ROBO1: variants seen among roughly 807,000 people sequenced by gnomAD.
The protein encoded by ROBO1 is roundabout guidance receptor 1, also known as roundabout homolog 1.
ROBO1 carries 149 observed loss-of-function variants against 195.9 expected under a neutral mutation model. That is an observed-to-expected ratio of 0.76 (90% confidence interval 0.67 to 0.87). The LOEUF is 0.87. ROBO1 is among the 40% of genes least tolerant of loss of function. The pLI, the probability that ROBO1 is intolerant of heterozygous loss-of-function variation, is 0.00. For synonymous variants in ROBO1, 816 were observed against 733.2 expected, an observed-to-expected ratio of 1.11 and a Z score of -1.82; for missense variants, 1,933 against 2,068.3, an observed-to-expected ratio of 0.93 and a Z score of 1.27.
chr3:79,526,758 T>G (rs979706741), intron 2 of ROBO1, among the ~76,000 whole-genome samples: 4 of 152,192 alleles, frequency 2.6e-5, no homozygotes, highest in Admixed American at 2.0e-4. Flanking sequence ...TTTAAGGGCT[T>G]TAATTTGTAA....
intron 19 of ROBO1, among the ~76,000 whole-genome samples, chr3:78,648,038 A>G (rs1298743542): frequency 6.6e-6 from 1 of 152,042 alleles, no homozygotes; most frequent in African/African-American, 2.4e-5. Flanking sequence ...TCTTGCTGGA[A>G]CCTTATCTAG....
intron 4 of ROBO1, among the ~76,000 whole-genome samples, chr3:78,777,819 C>T (rs543956377): frequency 1.1e-4 from 16 of 152,202 alleles, no homozygotes; most frequent in African/African-American, 3.9e-4. Flanking sequence ...ATTTGAATAC[C>T]CTTTATTTCT....
intron 3 of ROBO1, among the ~76,000 whole-genome samples, chr3:78,987,237 GT>G (rs892876262): frequency 1.3e-5 from 2 of 150,652 alleles, no homozygotes; most frequent in African/African-American, 2.4e-5. Context: ...TTTAGAAATA[GT>G]TTTTTTTAAA....
Position 78,669,824 on chromosome 3 carries a change from A to G in ROBO1, c.1548+272T>C, listed in dbSNP as rs184648887. 2.4e-3 allele frequency among the ~76,000 whole-genome samples: 372 copies of G among 152,174 alleles called. 6 individuals are homozygous for G. Among genetic ancestry groups the G allele is most frequent in the Admixed American group, 0.018 (277 of 15,278 alleles). Reference sequence around the variant, plus strand: ...TTTGAAGATATTTATTCTCTCACAAACCCTCATTTACTTTCCTCGGTAGGT... The same window carrying G: ...TTTGAAGATATTTATTCTCTCACAAGCCCTCATTTACTTTCCTCGGTAGGT... On this transcript the variant is annotated intron_variant, in intron 11 of 30. Coordinates refer to ENST00000464233, the MANE Select transcript of ROBO1 (RefSeq NM_002941.4).
intron 4 of ROBO1, among the ~76,000 whole-genome samples, chr3:78,859,952 G>A (rs976050053): frequency 1.3e-4 from 20 of 152,086 alleles, no homozygotes; most frequent in Non-Finnish European, 1.9e-4. Flanking sequence ...GGTGGCGGAC[G>A]CCTGTGGTCC....
chr3:79,153,760 A>G (rs568387717), intron 2 of ROBO1, among the ~76,000 whole-genome samples: 136 of 148,070 alleles, frequency 9.2e-4, no homozygotes, highest in African/African-American at 3.2e-3. Context: ...TATAATATAA[A>G]TATTGTTTAT....
chr3:79,109,201 G>T, intron 3 of ROBO1, among the ~76,000 whole-genome samples: 1 of 151,304 alleles, frequency 6.6e-6, no homozygotes, highest in East Asian at 1.9e-4. Flanking sequence ...GTCAATTGGG[G>T]GTACTTATTC....
chr3:79,586,703 G>A (rs1943840691), intron 2 of ROBO1, among the ~76,000 whole-genome samples: 1 of 151,384 alleles, frequency 6.6e-6, no homozygotes. Flanking sequence ...CACTATATGT[G>A]AAATATATGC....
chr3:78,798,567 C>A (rs540364062), intron 4 of ROBO1, among the ~76,000 whole-genome samples: 1 of 152,280 alleles, frequency 6.6e-6, no homozygotes, highest in Non-Finnish European at 1.5e-5. Flanking sequence ...GCACACACAT[C>A]TTTTTATTAT....
chr3:79,603,868 T>C (rs1381957946), intron 1 of ROBO1, among the ~76,000 whole-genome samples: 1 of 151,944 alleles, frequency 6.6e-6, no homozygotes, highest in Admixed American at 6.6e-5. Flanking sequence ...GCTGCTTGTA[T>C]AGAATAATAG....
At chr3:78,736,433 A>T (rs1421441657) in intron 5 of ROBO1, among the ~76,000 whole-genome samples, 1 of 152,142 alleles carries the variant, frequency 6.6e-6, no homozygotes, top group Non-Finnish European at 1.5e-5. Context: ...CAGGAAGAAG[A>T]AATCTAGTGT....
rs767967663 is a variant in ROBO1, at chr3:79,092,703, T to C, written c.172+32753A>G. Among the ~76,000 whole-genome samples the C allele has an allele frequency of 6.3e-4, 96 of 152,034 alleles. 3 individuals carry two copies. The highest frequency in any genetic ancestry group is 1.6e-4 in the Non-Finnish European group (11 of 68,006). On this transcript the variant is annotated intron_variant, in intron 3 of 30. Transcript: ENST00000464233. ...GTCAAGGATAGAGAAGTTGAGAAAATTATGAAAAGATATGCAGGAAGTCAA... is the reference window on the plus strand; with the variant it reads ...GTCAAGGATAGAGAAGTTGAGAAAACTATGAAAAGATATGCAGGAAGTCAA...
chr3:78,662,273 C>T (rs1575868318), intron 14 of ROBO1, among the ~76,000 whole-genome samples, 159 bp from the exon 15 acceptor site: 1 of 150,890 alleles, frequency 6.6e-6, no homozygotes, highest in African/African-American at 2.4e-5. Flanking sequence ...ATAATTTAAC[C>T]TTTTTATTAG....
chr3:79,393,064 G>T (rs1247967303), intron 2 of ROBO1, among the ~76,000 whole-genome samples: 3 of 152,066 alleles, frequency 2.0e-5, no homozygotes, highest in African/African-American at 7.2e-5. Context: ...AATCATTCAA[G>T]ACCTTTCCTC....
chr3:79,514,310 G>A (rs551232105), intron 2 of ROBO1, among the ~76,000 whole-genome samples: 3 of 152,182 alleles, frequency 2.0e-5, no homozygotes, highest in Non-Finnish European at 4.4e-5. Context: ...GTGTGCGGGG[G>A]TGGAGGAGTC....
intron 2 of ROBO1, among the ~76,000 whole-genome samples, chr3:79,240,988 C>A (rs998955373): frequency 6.6e-6 from 1 of 151,968 alleles, no homozygotes; most frequent in Non-Finnish European, 1.5e-5. Flanking sequence ...ATACTTAATG[C>A]AAATATATTA....
At position 79,296,379 on chromosome 3, in the gene ROBO1, T is replaced by C. The variant is rs1279349971; in HGVS notation, c.89-170840A>G. Among the ~76,000 whole-genome samples the C allele has an allele frequency of 2.0e-5, 3 of 152,174 alleles. 1 individual carries two copies. Among genetic ancestry groups the C allele is most frequent in the African/African-American group, 7.2e-5 (3 of 41,456 alleles). On this transcript the variant is annotated intron_variant, in intron 2 of 30. Transcript: ENST00000464233. ...CACATAGTTGAGCAATCATCAGATA[T>C]ACAAACCTTAAATAATTAATGATAA...
Position 78,606,798 on chromosome 3 carries a change from C to A in ROBO1, c.4679G>T (p.Gly1560Val), listed in dbSNP as rs1403578654. ...PREAQEQQNDGKGRGNKAAKR... is the reference protein window; with the variant it reads ...PREAQEQQNDVKGRGNKAAKR... The stretch of plus-strand genomic sequence containing the variant: ...TGCTGCCTTGTTTCCACGTCCTTTC[C>A]CGTCATTTTGCTGTTCCTGTGCTTC... Residue 1560 changes from glycine (G) to valine (V), a missense_variant, in exon 29 of 31, where the codon GGG (glycine) becomes GTG (valine). This residue lies in a region of ROBO1 where 1,737 missense variants were observed against 1,882.5 expected (regional missense o/e 0.92). Transcript: ENST00000464233. 6.2e-7 allele frequency: 1 copy of A among 1,613,882 alleles called. No individual in the cohort carries two copies.
At chr3:79,366,327 T>G (rs2035975179) in intron 2 of ROBO1, among the ~76,000 whole-genome samples, 1 of 152,162 alleles carries the variant, frequency 6.6e-6, no homozygotes, top group Non-Finnish European at 1.5e-5. Context: ...GGGCAATAGT[T>G]TTTCTTAAAC....
Sources: gnomAD v4.1 joint callset for allele counts (sites outside exome capture counted in the v4.1 genomes callset) on GRCh38, gnomAD v4.1.1 for gene constraint, gnomAD v4.1.1 regional missense constraint, MANE v1.5 for transcripts, NCBI Gene and HGNC (gene_info 2026-07-23, HGNC 2026-07-21) for gene names.